The following ABCA9 variants were observed in gnomAD, a reference collection of about 807,000 sequenced individuals.
The protein encoded by ABCA9 is ATP binding cassette subfamily A member 9, also known as ATP-binding cassette sub-family A member 9.
In ABCA9, 183 loss-of-function variants were observed where a neutral mutation model predicts 205.3. That is an observed-to-expected ratio of 0.89 (90% CI 0.79 to 1.01). The LOEUF (loss-of-function observed/expected upper bound fraction) is 1.01. Among genes scored for constraint, ABCA9 ranks in the 50% least tolerant of loss-of-function variants. The pLI is 0.00. For missense variants in ABCA9, 1,805 were observed against 1,912.4 expected (o/e 0.94, Z 1.05); for synonymous variants, 651 against 683.3 (o/e 0.95, Z 0.74).
At chr17:69,066,120 T>C in the ABCA9 span, among the ~76,000 whole-genome samples, 2 of 152,324 alleles carry the variant, frequency 1.3e-5, no homozygotes, top group African/African-American at 4.8e-5. Context: ...CTTGCCCTCA[T>C]TGCATATGGG....
the ABCA9 span, chr17:69,078,695 T>TA: frequency 4.1e-6 from 1 of 240,966 alleles, no homozygotes; most frequent in African/African-American, 2.2e-5. Flanking sequence ...GTCATATTTT[T>TA]AAAAAATTCT....
rs9916254 is a variant in ABCA9, at chr17:68,986,306, C to T, written c.4066G>A (p.Gly1356Ser). The T allele has an allele frequency of 0.01, 16,543 of 1,608,112 alleles. 1,344 individuals are homozygous for T. The African/African-American group carries it at 0.18, about 18-fold the overall frequency. ...AGGAAGCCCAGGGGTTCCCCTCCAC[C>T]GCTCCCTTTCAAAATCACCTATGCA... ...TAGQVILKGS[G>S]GGEPLGFLGY... is the part of the protein sequence containing the mutation. Residue 1356 changes from glycine (G) to serine (S), a missense_variant, in exon 32 of 39, where the codon GGT becomes AGT. Coordinates refer to ENST00000340001, the MANE Select transcript of ABCA9 (RefSeq NM_080283.4).
At chr17:69,002,108 C>T (rs1251662687) in intron 25 of ABCA9, among the ~76,000 whole-genome samples, 1 of 148,212 alleles carries the variant, frequency 6.7e-6, no homozygotes, top group African/African-American at 2.5e-5. Context: ...TTTTTTGTGT[C>T]TCTATTTCCT....
chr17:69,051,033 A>C lies in ABCA9; in HGVS notation c.94T>G (p.Leu32Val). ...KKWRMKRQTL[L>V]EWLFSFLLVL... ...AACACATAGACTCTGAAGCATACCA[A>C]CAAGGTCTGTCTTTTCATTCTCCAT... The change falls in exon 2 of 39, where the codon TTG becomes GTG. Residue 32 changes from leucine (L) to valine (V), a missense_variant and splice_region_variant. Transcript: ENST00000340001. 1 of 1,613,502 alleles carries C rather than the reference A, an allele frequency of 6.2e-7. No homozygotes were observed. The highest frequency in any genetic ancestry group is 1.3e-5 in the African/African-American group (1 of 75,042).
intron 16 of ABCA9, among the ~76,000 whole-genome samples, chr17:69,025,787 A>G (rs565234245): frequency 4.6e-5 from 7 of 152,216 alleles, no homozygotes; most frequent in African/African-American, 1.7e-4. Flanking sequence ...AGATTGGCAG[A>G]TTGTTAAAAC....
chr17:69,004,466 C>T (rs12938701), intron 25 of ABCA9, among the ~76,000 whole-genome samples: 75,242 of 151,310 alleles, frequency 0.5, 22,184 homozygotes, highest in Non-Finnish European at 0.66. Flanking sequence ...GCAGTCTGCC[C>T]GTTCTCAGAT....
chr17:69,058,440 G>C (rs571923421), intron 1 of ABCA9, among the ~76,000 whole-genome samples: 4 of 152,162 alleles, frequency 2.6e-5, no homozygotes, highest in Non-Finnish European at 5.9e-5. Flanking sequence ...CCTCAAGGGG[G>C]TAGTACCAGA....
In ABCA9 at chr17:68,985,982, T is replaced by C. The variant is rs116529960; in HGVS notation, c.4208+182A>G. On this transcript the variant is annotated intron_variant, in intron 32 of 38. Transcript: ENST00000340001. ...AAAAAGAAAAAGAAAAAGAAATCAA[T>C]AAACATTTTTCTCTCCAGGCTCAAA... is the stretch of plus-strand genomic sequence containing the variant. Among the ~76,000 whole-genome samples the C allele has an allele frequency of 3.0e-3, 455 of 152,094 alleles. 1 individual carries two copies. Among genetic ancestry groups the C allele is most frequent in the African/African-American group, 0.01 (434 of 41,510 alleles).
chr17:69,058,568 C>G (rs9902504), intron 1 of ABCA9, among the ~76,000 whole-genome samples: 122,371 of 152,174 alleles, frequency 0.8, 51,885 homozygotes, highest in East Asian at 0.95. Context: ...GGCCAGGTAC[C>G]GTGGCTCATG....
Position 68,984,998 on chromosome 17 carries a change from C to T in ABCA9, c.4285-19G>A. 1 of 1,614,194 alleles carries T rather than the reference C, an allele frequency of 6.2e-7. No individual in the cohort carries two copies. Among genetic ancestry groups the T allele is most frequent in the African/African-American group, 1.3e-5 (1 of 75,048 alleles). On this transcript the variant is annotated intron_variant, in intron 33 of 38. Transcript: ENST00000340001. ...AGCACAGCTGCAACGGGAGGAACAG[C>T]CCCTCTGGTTCCCATCTACGGCACT...
chr17:69,072,320 GA>G, the ABCA9 span, among the ~76,000 whole-genome samples: 1 of 152,076 alleles, frequency 6.6e-6, no homozygotes, highest in Non-Finnish European at 1.5e-5. Flanking sequence ...TGAAATGAGG[GA>G]AAAAATGTTA....
chr17:68,986,375 G>A (rs780972087), intron 31 of ABCA9, 51 bp from the exon 32 acceptor site: 2 of 1,511,258 alleles, frequency 1.3e-6, no homozygotes, highest in South Asian at 1.3e-5. Context: ...TCACGTATAT[G>A]TATATGCATG....
rs929978707 is a variant in ABCA9 at position 68,989,943 on chromosome 17, G to A, written c.3838-13C>T. 23 of 1,562,698 alleles carry A rather than the reference G, an allele frequency of 1.5e-5. No homozygotes were observed. Among genetic ancestry groups the A allele is most frequent in the Non-Finnish European group, 2.0e-5 (23 of 1,139,278 alleles). On this transcript the variant is annotated splice_polypyrimidine_tract_variant and intron_variant, in intron 29 of 38. Coordinates refer to ENST00000340001, the MANE Select transcript of ABCA9 (RefSeq NM_080283.4). ...TGATGACGGGTGTCTGTAAAGACAAGTAAATAACAACGGGACTTTATTCGC... is the reference window on the plus strand; with the variant it reads ...TGATGACGGGTGTCTGTAAAGACAAATAAATAACAACGGGACTTTATTCGC...
intron 30 of ABCA9, 87 bp from the exon 31 acceptor site, chr17:68,989,205 C>T: frequency 2.7e-6 from 2 of 751,210 alleles, no homozygotes; most frequent in Non-Finnish European, 4.6e-6. Flanking sequence ...GTGTCAAGTG[C>T]TATGTGAAAT....
At chr17:69,004,959 A>G (rs980536736) in intron 25 of ABCA9, among the ~76,000 whole-genome samples, 1 of 152,178 alleles carries the variant, frequency 6.6e-6, no homozygotes, top group African/African-American at 2.4e-5. Context: ...CGAGTGAGGC[A>G]ATGCCTCGCC....
At chr17:68,986,973 C>T (rs1430728829) in intron 31 of ABCA9, among the ~76,000 whole-genome samples, 1 of 152,140 alleles carries the variant, frequency 6.6e-6, no homozygotes, top group African/African-American at 2.4e-5. Flanking sequence ...CCCGTAGGAA[C>T]CAATATACAC....
intron 3 of ABCA9, among the ~76,000 whole-genome samples, chr17:69,047,128 AT>A (rs2071746155): frequency 1.3e-5 from 2 of 150,960 alleles, no homozygotes; most frequent in African/African-American, 2.4e-5. Flanking sequence ...CACCCAGCTA[AT>A]TTTTGTATTT....
chr17:69,045,403 T>C, intron 3 of ABCA9, 67 bp from the exon 4 acceptor site: 2 of 1,444,558 alleles, frequency 1.4e-6, no homozygotes, highest in Non-Finnish European at 9.2e-7. Context: ...TATTCAATTA[T>C]GTTGAGGTTA....
At position 68,980,350 on chromosome 17, in the gene ABCA9, G is replaced by C. The variant is rs568615145; in HGVS notation, c.4720+2212C>G. Among the ~76,000 whole-genome samples, 10 of 152,236 alleles carry C rather than the reference G, an allele frequency of 6.6e-5. No homozygotes were observed. In the South Asian group the frequency reaches 2.1e-3, roughly 32 times the overall value. ...ACACTGTTGGTGGGACTGTAAACTA[G>C]TTCAACCATTGTGAGAGTCAGTGTG... On this transcript the variant is annotated intron_variant, in intron 37 of 38. Transcript: ENST00000340001.
Sources: allele counts gnomAD v4.1 joint callset (sites outside exome capture counted in the v4.1 genomes callset), GRCh38; gene constraint gnomAD v4.1.1; transcripts MANE v1.5; gene names NCBI Gene and HGNC (gene_info 2026-07-23, HGNC 2026-07-21).